The following LRRTM4 variants were observed in gnomAD, a reference collection of about 807,000 sequenced individuals.
LRRTM4 encodes the protein leucine rich repeat transmembrane neuronal 4.
LRRTM4 carries 25 observed loss-of-function variants against 47.6 expected under a neutral mutation model. That is an observed-to-expected ratio of 0.53 (90% CI 0.38 to 0.73). The LOEUF is 0.73. Ranked by LOEUF, LRRTM4 falls within the 30% of genes least tolerant of loss-of-function variation. LRRTM4 has a pLI of 0.00. For missense variants in LRRTM4, 638 were observed against 713.4 expected, an observed-to-expected ratio of 0.89 and a Z score of 1.20; for synonymous variants, 311 against 269.5, an observed-to-expected ratio of 1.15 and a Z score of -1.51.
intron 3 of LRRTM4, among the ~76,000 whole-genome samples, chr2:77,354,551 G>A (rs575848570): frequency 2.4e-4 from 36 of 152,124 alleles, no homozygotes; most frequent in African/African-American, 8.2e-4. Flanking sequence ...AGTCATCATG[G>A]GCAAGTATTT....
At chr2:76,948,260 C>T (rs1675387515) in intron 3 of LRRTM4, among the ~76,000 whole-genome samples, 1 of 151,742 alleles carries the variant, frequency 6.6e-6, no homozygotes, top group South Asian at 2.1e-4. Context: ...ACAAATTTAC[C>T]TTGATGCCAC....
intron 3 of LRRTM4, among the ~76,000 whole-genome samples, chr2:77,296,019 A>G (rs1312366374): frequency 6.6e-6 from 1 of 152,176 alleles, no homozygotes; most frequent in Non-Finnish European, 1.5e-5. Flanking sequence ...TACAAATTCT[A>G]CAGCAAATAT....
intron 3 of LRRTM4, among the ~76,000 whole-genome samples, chr2:77,392,912 A>G (rs1673558396): frequency 6.6e-6 from 1 of 152,030 alleles, no homozygotes; most frequent in Non-Finnish European, 1.5e-5. Context: ...AGGGATTATC[A>G]TATGTTAAAT....
At chr2:76,903,707 G>C (rs946773965) in intron 3 of LRRTM4, among the ~76,000 whole-genome samples, 5 of 152,096 alleles carry the variant, frequency 3.3e-5, no homozygotes, top group African/African-American at 4.8e-5. Context: ...TAAATCAAAA[G>C]GAGAAACATC....
chr2:77,079,268 T>C (rs1477746214), intron 3 of LRRTM4, among the ~76,000 whole-genome samples: 2 of 152,240 alleles, frequency 1.3e-5, no homozygotes, highest in Non-Finnish European at 2.9e-5. Context: ...GAATTTTAAA[T>C]GCAATGAAGT....
intron 3 of LRRTM4, among the ~76,000 whole-genome samples, chr2:77,175,341 T>A (rs989471687): frequency 6.6e-6 from 1 of 152,042 alleles, no homozygotes; most frequent in Non-Finnish European, 1.5e-5. Context: ...CTCGTGGCCT[T>A]TGGAACTCCA....
At position 77,116,032 on chromosome 2, in the gene LRRTM4, C is replaced by T. The variant is rs78548088; in HGVS notation, c.1552-367116G>A. Among the ~76,000 whole-genome samples, 283 of 152,166 alleles carry T rather than the reference C, an allele frequency of 1.9e-3. 8 individuals are homozygous for T. In the East Asian group the frequency reaches 0.053, roughly 29 times the overall value. ...ATGTCCTCCCTGAAAATCAGTGCTC[C>T]CTTGACTGAAAGCAGAGATACATAG... is the stretch of plus-strand genomic sequence containing the variant. On this transcript the variant is annotated intron_variant, in intron 3 of 3. Transcript: ENST00000409884.
intron 3 of LRRTM4, among the ~76,000 whole-genome samples, chr2:76,813,401 C>T (rs1670802830): frequency 6.6e-6 from 1 of 152,028 alleles, no homozygotes; most frequent in Non-Finnish European, 1.5e-5. Context: ...TTGACTTTGT[C>T]TAATGTCAGA....
At chr2:76,988,973 G>A (rs115423141) in intron 3 of LRRTM4, among the ~76,000 whole-genome samples, 1,775 of 151,792 alleles carry the variant, frequency 0.012, 18 homozygotes, top group Middle Eastern at 0.054. Context: ...AACAGTTCAG[G>A]TATTATCAAT....
chr2:76,780,183 C>T lies in LRRTM4; in HGVS notation c.1552-31267G>A, dbSNP rs1158884185. On this transcript the variant is annotated intron_variant, in intron 3 of 3. Transcript: ENST00000409884. ...AGGGTAACCCGACCTTTCTCTCTGG[C>T]TGCCCTTAACATTTTTTCCTTCATT... Among the ~76,000 whole-genome samples the T allele has an allele frequency of 3.3e-5, 5 of 152,288 alleles. No individual in the cohort carries two copies. In the East Asian group the frequency reaches 9.6e-4, roughly 29 times the overall value.
chr2:77,104,861 A>G (rs547851519), intron 3 of LRRTM4, among the ~76,000 whole-genome samples: 1 of 152,320 alleles, frequency 6.6e-6, no homozygotes, highest in South Asian at 2.1e-4. Context: ...TGCAGGATAC[A>G]GAATCCAGTC....
intron 3 of LRRTM4, among the ~76,000 whole-genome samples, chr2:77,478,686 A>G (rs1677531935): frequency 6.6e-6 from 1 of 152,198 alleles, no homozygotes; most frequent in Non-Finnish European, 1.5e-5. Context: ...ATTCAACTAG[A>G]TAAAATGAAG....
At chr2:77,290,711 T>G (rs1676799561) in intron 3 of LRRTM4, among the ~76,000 whole-genome samples, 1 of 152,004 alleles carries the variant, frequency 6.6e-6, no homozygotes, top group South Asian at 2.1e-4. Context: ...TTTAAAAAAT[T>G]AAGTCCAACC....
intron 3 of LRRTM4, among the ~76,000 whole-genome samples, chr2:77,368,789 T>C (rs893665869): frequency 5.3e-5 from 8 of 151,750 alleles, no homozygotes; most frequent in Admixed American, 4.6e-4. Flanking sequence ...TAGTGAATAA[T>C]GCTGAAGTGA....
chr2:77,189,664 G>A (rs1321291991), intron 3 of LRRTM4, among the ~76,000 whole-genome samples: 2 of 152,092 alleles, frequency 1.3e-5, no homozygotes, highest in Admixed American at 6.6e-5. Flanking sequence ...CTTCAGAACT[G>A]TGAGAGCTAA....
intron 3 of LRRTM4, among the ~76,000 whole-genome samples, chr2:77,456,779 C>A (rs1468735815): frequency 2.0e-5 from 3 of 151,714 alleles, no homozygotes; most frequent in African/African-American, 7.3e-5. Context: ...CTTATTCTGT[C>A]ATTCTTAACA....
At chr2:77,047,311 TAAGTGCTGGCACAGAAGTTAA>T (rs1679266884) in intron 3 of LRRTM4, among the ~76,000 whole-genome samples, 2 of 151,988 alleles carry the variant, frequency 1.3e-5, no homozygotes, top group Admixed American at 1.3e-4. Context: ...TTAAGGAAGG[TAAGTGCTGGCACAGAAGTTAA>T]AAGTGCAATA....
intron 3 of LRRTM4, among the ~76,000 whole-genome samples, chr2:77,383,795 C>T (rs999424506): frequency 6.6e-6 from 1 of 151,992 alleles, no homozygotes; most frequent in Non-Finnish European, 1.5e-5. Flanking sequence ...TCTGGAAGCA[C>T]TGACCAGCAG....
At chr2:76,984,652 A>C (rs1676731502) in intron 3 of LRRTM4, among the ~76,000 whole-genome samples, 1 of 152,004 alleles carries the variant, frequency 6.6e-6, no homozygotes, top group Admixed American at 6.6e-5. Flanking sequence ...CTGACACATT[A>C]AGATTGGAAG....
Sources: allele counts gnomAD v4.1 joint callset (sites outside exome capture counted in the v4.1 genomes callset), GRCh38; gene constraint gnomAD v4.1.1; transcripts MANE v1.5; gene names NCBI Gene and HGNC (gene_info 2026-07-23, HGNC 2026-07-21).